The following TMEM132B variants were observed in gnomAD, a reference collection of about 807,000 sequenced individuals.
TMEM132B encodes the protein transmembrane protein 132B.
TMEM132B carries 18 observed loss-of-function variants against 90.8 expected under a neutral mutation model. The observed-to-expected ratio is 0.20, with a 90% CI of 0.14 to 0.29. TMEM132B has a LOEUF of 0.29. TMEM132B is among the 10% of genes least tolerant of loss of function. The pLI is 1.00. For synonymous variants in TMEM132B, 504 were observed against 523.3 expected, an observed-to-expected ratio of 0.96 and a Z score of 0.50; for missense variants, 1,096 against 1,326.8, an observed-to-expected ratio of 0.83 and a Z score of 2.70.
intron 1 of TMEM132B, among the ~76,000 whole-genome samples, chr12:125,249,934 G>A (rs1874282071): frequency 3.9e-5 from 6 of 152,232 alleles, no homozygotes; most frequent in Admixed American, 3.9e-4. Context: ...GTGGTTACCA[G>A]TCTGGGGGAC....
At chr12:125,300,500 G>A (rs1330528492) in intron 1 of TMEM132B, among the ~76,000 whole-genome samples, 1 of 152,150 alleles carries the variant, frequency 6.6e-6, no homozygotes, top group Non-Finnish European at 1.5e-5. Flanking sequence ...TACATCCAGA[G>A]ATCATGTCAC....
chr12:125,553,076 C>T (rs1268344162), intron 4 of TMEM132B, among the ~76,000 whole-genome samples: 2 of 152,350 alleles, frequency 1.3e-5, no homozygotes, highest in South Asian at 2.1e-4. Flanking sequence ...GACAGTTGTA[C>T]AACACATGGC....
intron 1 of TMEM132B, among the ~76,000 whole-genome samples, chr12:125,312,821 G>A (rs1876154265): frequency 6.6e-6 from 1 of 152,184 alleles, no homozygotes. Context: ...TGTCTTCTGT[G>A]CTATTGAGGA....
At chr12:125,243,975 T>C (rs1318642087) in intron 1 of TMEM132B, among the ~76,000 whole-genome samples, 1 of 152,208 alleles carries the variant, frequency 6.6e-6, no homozygotes, top group Non-Finnish European at 1.5e-5. Context: ...TCTCTGAGTT[T>C]GCCTATTCGG....
intron 2 of TMEM132B, among the ~76,000 whole-genome samples, chr12:125,359,701 A>G (rs1877899925): frequency 6.6e-6 from 1 of 152,226 alleles, no homozygotes; most frequent in South Asian, 2.1e-4. Flanking sequence ...GTAAAAAGCC[A>G]TGTTTGGTCA....
At chr12:125,561,557 T>C (rs1245112103) in intron 4 of TMEM132B, among the ~76,000 whole-genome samples, 3 of 152,190 alleles carry the variant, frequency 2.0e-5, no homozygotes, top group African/African-American at 7.2e-5. Flanking sequence ...TTTTAAATAA[T>C]AAGACCTGAA....
intron 1 of TMEM132B, among the ~76,000 whole-genome samples, chr12:125,222,411 C>T (rs974755953): frequency 4.6e-5 from 7 of 152,048 alleles, no homozygotes; most frequent in African/African-American, 1.7e-4. Flanking sequence ...GCCAGGAGAT[C>T]GTAAATTTGG....
rs930219195 is a variant in TMEM132B, at chr12:125,238,438, G to A, written c.67+51572G>A. 3.3e-5 allele frequency among the ~76,000 whole-genome samples: 5 copies of A among 150,418 alleles called. No homozygotes were observed. The East Asian group carries it at 7.8e-4, about 23-fold the overall frequency. ...ATGTGGGCTTTGCTTTCTCTGCTGC[G>A]TGTAATTTGGTTTTCTGTCCCTGTT... On this transcript the variant is annotated intron_variant, in intron 1 of 8. Transcript: ENST00000682704.
intron 2 of TMEM132B, among the ~76,000 whole-genome samples, chr12:125,369,983 A>G (rs1428125933): frequency 6.6e-6 from 1 of 152,192 alleles, no homozygotes; most frequent in East Asian, 1.9e-4. Context: ...AGTGAGGAGG[A>G]GGTTGCAGCG....
chr12:125,497,971 C>T (rs1882601786), intron 3 of TMEM132B, among the ~76,000 whole-genome samples: 2 of 152,148 alleles, frequency 1.3e-5, no homozygotes, highest in African/African-American at 4.8e-5. Context: ...GGACTCTGCT[C>T]GTTGTTGTGA....
Position 125,213,154 on chromosome 12 carries a change from A to G in TMEM132B, c.67+26288A>G, listed in dbSNP as rs1427183955. ...GATGTGCTGGTTCTGGCTATTTAAT[A>G]CAAATGCAGTCTTAAAATATGCACC... On this transcript the variant is annotated intron_variant, in intron 1 of 8. Transcript: ENST00000682704. The surrounding 1 kb of genome is among the most constrained non-coding windows in gnomAD (Gnocchi z 4.2). Among the ~76,000 whole-genome samples, 1 of 152,204 alleles carries G rather than the reference A, an allele frequency of 6.6e-6. No homozygotes were observed. Among genetic ancestry groups the G allele is most frequent in the South Asian group, 2.1e-4 (1 of 4,826 alleles).
intron 2 of TMEM132B, among the ~76,000 whole-genome samples, chr12:125,398,401 CAT>C (rs1205015768): frequency 1.3e-5 from 2 of 152,322 alleles, no homozygotes; most frequent in Non-Finnish European, 2.9e-5. Context: ...AAACAGTTGA[CAT>C]AGATACAGAC....
Position 125,578,711 on chromosome 12 carries a change from G to C in TMEM132B, c.1294-5140G>C, listed in dbSNP as rs182797744. The stretch of plus-strand genomic sequence containing the variant: ...TTTATTTTGAAAGACAGGTTTTCTG[G>C]ATATAAAATTCTTGGTTGACAGTCT... On this transcript the variant is annotated intron_variant, in intron 4 of 8. Transcript: ENST00000682704. Among the ~76,000 whole-genome samples, 42 of 152,182 alleles carry C rather than the reference G, an allele frequency of 2.8e-4. No individual in the cohort carries two copies. The East Asian group carries it at 6.2e-3, about 22-fold the overall frequency.
At chr12:125,501,396 A>G (rs1319186132) in intron 3 of TMEM132B, among the ~76,000 whole-genome samples, 1 of 152,200 alleles carries the variant, frequency 6.6e-6, no homozygotes, top group Non-Finnish European at 1.5e-5. Context: ...TTAAGTTCCA[A>G]GGTACATGTG....
chr12:125,315,185 T>G (rs904332179), intron 1 of TMEM132B, among the ~76,000 whole-genome samples: 3 of 152,264 alleles, frequency 2.0e-5, no homozygotes, highest in Admixed American at 2.0e-4. Context: ...CGAAGGCGCA[T>G]AACAGTAGAA....
intron 4 of TMEM132B, among the ~76,000 whole-genome samples, chr12:125,530,923 G>T (rs1883627379): frequency 6.6e-6 from 1 of 152,200 alleles, no homozygotes; most frequent in African/African-American, 2.4e-5. Context: ...CTCACTATAG[G>T]TATAAGAGGC....
intron 3 of TMEM132B, among the ~76,000 whole-genome samples, chr12:125,417,373 GTAT>G (rs1302912845): frequency 6.6e-6 from 1 of 152,152 alleles, no homozygotes; most frequent in Non-Finnish European, 1.5e-5. Flanking sequence ...TGAGTCTCTG[GTAT>G]TATTTCCGGG....
intron 1 of TMEM132B, among the ~76,000 whole-genome samples, chr12:125,231,212 T>G (rs1383167740): frequency 6.8e-6 from 1 of 146,174 alleles, no homozygotes; most frequent in Non-Finnish European, 1.5e-5. Flanking sequence ...GTCTTCCGTG[T>G]GTGTGTGTGT....
At chr12:125,417,808 G>T (rs1880058336) in intron 3 of TMEM132B, among the ~76,000 whole-genome samples, 1 of 152,192 alleles carries the variant, frequency 6.6e-6, no homozygotes, top group South Asian at 2.1e-4. Flanking sequence ...CCCCAGATAG[G>T]CCAGGCACAC....
Sources: allele counts gnomAD v4.1 joint callset (sites outside exome capture counted in the v4.1 genomes callset), GRCh38; gene constraint gnomAD v4.1.1; non-coding constraint Gnocchi (gnomAD v3.1); transcripts MANE v1.5; gene names NCBI Gene and HGNC (gene_info 2026-07-23, HGNC 2026-07-21).